MAST4: variants seen among roughly 807,000 people sequenced by gnomAD.
MAST4 encodes the protein microtubule-associated serine/threonine-protein kinase 4.
A neutral mutation model predicts 162.7 loss-of-function variants in MAST4; 89 were observed. That is an observed-to-expected ratio of 0.55 (90% CI 0.46 to 0.65). The LOEUF (loss-of-function observed/expected upper bound fraction) is 0.65, where lower values mean the gene tolerates loss of function less well. Among genes scored for constraint, MAST4 ranks in the 30% least tolerant of loss-of-function variants. The probability of loss-of-function intolerance (pLI) is 0.00; values close to 1 mark genes in which losing one functional copy is unlikely to be tolerated. For synonymous variants in MAST4, 1,479 were observed against 1,361.1 expected (o/e 1.09, Z -1.91); for missense variants, 3,153 against 3,374.0 (o/e 0.93, Z 1.62).
At chr5:66,834,802 G>T (rs1182647662) in intron 3 of MAST4, among the ~76,000 whole-genome samples, 3 of 152,148 alleles carry the variant, frequency 2.0e-5, no homozygotes, top group Admixed American at 1.3e-4. Context: ...TTAGTTCATC[G>T]CCTTCCATTT....
intron 3 of MAST4, among the ~76,000 whole-genome samples, chr5:66,850,434 G>T (rs944950066): frequency 6.6e-6 from 1 of 152,156 alleles, no homozygotes; most frequent in Non-Finnish European, 1.5e-5. Flanking sequence ...CTTCTGTGTG[G>T]CCACATTGAA....
rs376323137 is a variant in MAST4, at chr5:66,731,264, A to T, written c.364-28445A>T. 4.1e-5 allele frequency among the ~76,000 whole-genome samples: 6 copies of T among 147,992 alleles called. No individual in the cohort carries two copies. In the East Asian group the frequency reaches 1.2e-3, roughly 29 times the overall value. On this transcript the variant is annotated intron_variant, in intron 1 of 28. Transcript: ENST00000403625. Reference sequence around the variant, plus strand: ...CTTAGCAATATCCAAAGATCAGAACATCTGTTATCTGCAGAGACACTGGGG... The same window carrying T: ...CTTAGCAATATCCAAAGATCAGAACTTCTGTTATCTGCAGAGACACTGGGG...
At chr5:66,652,485 G>C (rs906919050) in intron 1 of MAST4, among the ~76,000 whole-genome samples, 2 of 152,196 alleles carry the variant, frequency 1.3e-5, no homozygotes, top group South Asian at 2.1e-4. Flanking sequence ...GTTTTCCTAA[G>C]ACTCAAGACT....
chr5:66,923,355 T>C (rs1043276964), intron 4 of MAST4, among the ~76,000 whole-genome samples: 1 of 152,132 alleles, frequency 6.6e-6, no homozygotes, highest in Admixed American at 6.6e-5. Flanking sequence ...ACGTTAATAT[T>C]GGGGAATCTC....
chr5:66,958,105 GTC>G (rs879888375), intron 4 of MAST4, among the ~76,000 whole-genome samples: 4 of 150,968 alleles, frequency 2.6e-5, no homozygotes, highest in East Asian at 1.9e-4. Flanking sequence ...GTTTGGCTCT[GTC>G]TCTCTCTCTC....
chr5:66,687,227 C>T (rs1198132468), intron 1 of MAST4, among the ~76,000 whole-genome samples: 1 of 152,058 alleles, frequency 6.6e-6, no homozygotes, highest in African/African-American at 2.4e-5. Context: ...ACCTTCACCC[C>T]CTTCTTTTCC....
At chr5:67,146,624 T>G (rs988812228) in intron 23 of MAST4, among the ~76,000 whole-genome samples, 2 of 152,120 alleles carry the variant, frequency 1.3e-5, no homozygotes, top group Non-Finnish European at 2.9e-5. Flanking sequence ...CAGGAAAAAT[T>G]TTATGGGCTG....
intron 4 of MAST4, among the ~76,000 whole-genome samples, chr5:66,966,637 T>C (rs1367107114): frequency 6.6e-6 from 1 of 152,102 alleles, no homozygotes; most frequent in Non-Finnish European, 1.5e-5. Context: ...CACACATCAC[T>C]TCCATTCACA....
At chr5:66,646,869 G>A (rs1745874340) in intron 1 of MAST4, among the ~76,000 whole-genome samples, 1 of 152,160 alleles carries the variant, frequency 6.6e-6, no homozygotes, top group Non-Finnish European at 1.5e-5. Context: ...TCTCTGTAAT[G>A]CTGGGCTATA....
At chr5:66,799,570 T>C (rs563007431) in intron 3 of MAST4, among the ~76,000 whole-genome samples, 28 of 152,310 alleles carry the variant, frequency 1.8e-4, no homozygotes, top group African/African-American at 6.5e-4. Flanking sequence ...CTATAGCACC[T>C]CTACATTTTA....
chr5:66,915,542 AATT>A (rs1764057013), intron 4 of MAST4, among the ~76,000 whole-genome samples: 1 of 152,224 alleles, frequency 6.6e-6, no homozygotes, highest in Non-Finnish European at 1.5e-5. Flanking sequence ...TACTTAAGAA[AATT>A]ATTCTCTTTG....
Position 66,617,212 on chromosome 5 carries a change from T to C in MAST4, c.363+20194T>C, listed in dbSNP as rs16895316. Among the ~76,000 whole-genome samples the C allele has an allele frequency of 5.9e-3, 902 of 152,352 alleles. 7 individuals are homozygous for C. Among genetic ancestry groups the C allele is most frequent in the African/African-American group, 0.021 (871 of 41,578 alleles). On this transcript the variant is annotated intron_variant, in intron 1 of 28. Coordinates refer to ENST00000403625, the MANE Select transcript of MAST4 (RefSeq NM_001164664.2). ...GCCATTAATGAGAAGTGATTCTCTGTGGCTGTTTAGCTTTTGAAAATGTGG... is the reference window on the plus strand; with the variant it reads ...GCCATTAATGAGAAGTGATTCTCTGCGGCTGTTTAGCTTTTGAAAATGTGG...
At chr5:67,128,199 T>C (rs1229820588) in intron 14 of MAST4, among the ~76,000 whole-genome samples, 1 of 152,230 alleles carries the variant, frequency 6.6e-6, no homozygotes, top group African/African-American at 2.4e-5. Context: ...ATGTTCCTGT[T>C]TAAATATTTG....
intron 3 of MAST4, among the ~76,000 whole-genome samples, chr5:66,830,210 C>A (rs1561361590): frequency 6.6e-6 from 1 of 152,166 alleles, no homozygotes; most frequent in African/African-American, 2.4e-5. Context: ...TGAGTTTTCT[C>A]TTTCCTTTAA....
chr5:66,940,753 G>T (rs1361833384), intron 4 of MAST4, among the ~76,000 whole-genome samples: 1 of 151,956 alleles, frequency 6.6e-6, no homozygotes, highest in Non-Finnish European at 1.5e-5. Flanking sequence ...TTGCTATTTT[G>T]ACCTCTTTTT....
chr5:67,008,213 A>G (rs1752273641), intron 4 of MAST4, among the ~76,000 whole-genome samples: 1 of 152,150 alleles, frequency 6.6e-6, no homozygotes, highest in African/African-American at 2.4e-5. Flanking sequence ...AAATGAAGAG[A>G]CTTTATACGA....
At chr5:66,620,249 A>G (rs563935262) in intron 1 of MAST4, among the ~76,000 whole-genome samples, 22 of 152,272 alleles carry the variant, frequency 1.4e-4, no homozygotes, top group African/African-American at 4.8e-4. Context: ...ATTATATTGT[A>G]TTGCATGTAA....
At chr5:66,825,466 T>C (rs1757204315) in intron 3 of MAST4, among the ~76,000 whole-genome samples, 1 of 152,092 alleles carries the variant, frequency 6.6e-6, no homozygotes, top group South Asian at 2.1e-4. Flanking sequence ...ATGTGAAAAA[T>C]ATCTGGCCGT....
chr5:66,713,405 G>A (rs890672009), intron 1 of MAST4, among the ~76,000 whole-genome samples: 1 of 152,110 alleles, frequency 6.6e-6, no homozygotes, highest in Non-Finnish European at 1.5e-5. Flanking sequence ...TAGTTTTGAG[G>A]TTAAAATAAC....
Sources: gnomAD v4.1 joint callset for allele counts (sites outside exome capture counted in the v4.1 genomes callset) on GRCh38, gnomAD v4.1.1 for gene constraint, MANE v1.5 for transcripts, NCBI Gene and HGNC (gene_info 2026-07-23, HGNC 2026-07-21) for gene names.